Variants in DRC3 observed in about 807,000 individuals in gnomAD.
DRC3 encodes leucine rich repeat containing 48.
DRC3 carries 45 observed loss-of-function variants against 57.6 expected under a neutral mutation model. The ratio of observed to expected loss-of-function variants is 0.78; its 90% confidence interval spans 0.62 to 1.00. The LOEUF is 1.00. DRC3 is among the 50% of genes least tolerant of loss of function. The pLI is 0.00. For missense variants in DRC3, 655 were observed against 675.2 expected (o/e 0.97, Z 0.33); for synonymous variants, 257 against 272.3 (o/e 0.94, Z 0.55).
At chr17:17,979,185 C>G (rs1568453927) in intron 3 of DRC3, among the ~76,000 whole-genome samples, 1 of 152,146 alleles carries the variant, frequency 6.6e-6, no homozygotes, top group South Asian at 2.1e-4. Flanking sequence ...GTGCAAAGGG[C>G]CTGGGGCAGG....
At chr17:17,975,303 C>G (rs1445927411) in intron 2 of DRC3, among the ~76,000 whole-genome samples, 1 of 151,218 alleles carries the variant, frequency 6.6e-6, no homozygotes, top group African/African-American at 2.4e-5. Context: ...CCTCCAACTC[C>G]CTGGTTCAAG....
At chr17:17,980,815 G>A (rs558713692) in intron 3 of DRC3, among the ~76,000 whole-genome samples, 8 of 152,134 alleles carry the variant, frequency 5.3e-5, no homozygotes, top group South Asian at 4.2e-4. Context: ...AGATGGTCTC[G>A]ATCTCTTGAC....
intron 2 of DRC3, among the ~76,000 whole-genome samples, chr17:17,976,729 A>G (rs573131516): frequency 1.6e-4 from 25 of 152,202 alleles, no homozygotes; most frequent in Non-Finnish European, 2.8e-4. Flanking sequence ...GCTTAAGTAG[A>G]AGAGGATTTC....
intron 9 of DRC3, among the ~76,000 whole-genome samples, chr17:18,004,157 A>G (rs975552165): frequency 1.3e-5 from 2 of 152,104 alleles, no homozygotes; most frequent in Non-Finnish European, 1.5e-5. Context: ...GGGGCTATCA[A>G]TCGCACTTTA....
intron 3 of DRC3, among the ~76,000 whole-genome samples, chr17:17,978,748 G>A (rs779776013): frequency 2.6e-5 from 4 of 152,124 alleles, no homozygotes; most frequent in Non-Finnish European, 5.9e-5. Flanking sequence ...GGGTAAAGGG[G>A]CACAGAACAG....
chr17:18,004,397 C>T lies in DRC3; in HGVS notation c.1034C>T (p.Pro345Leu). The change falls in exon 10 of 14, where the codon CCC becomes CTC. Residue 345 changes from proline (P) to leucine (L), a missense_variant. Coordinates refer to ENST00000399187, the MANE Select transcript of DRC3 (RefSeq NM_031294.4). Reference protein sequence around the residue: ...LSAIREELELPNIEKMILECS... With the variant: ...LSAIREELELLNIEKMILECS... ...GCCATTCGAGAGGAGTTGGAACTGC[C>T]CAACATTGAGAAGATGATCCTAGAA... is the stretch of plus-strand genomic sequence containing the variant. 6.2e-7 allele frequency: 1 copy of T among 1,607,378 alleles called. No individual in the cohort carries two copies. Among genetic ancestry groups the T allele is most frequent in the African/African-American group, 1.3e-5 (1 of 74,998 alleles).
At chr17:17,992,183 G>A (rs190566728) in intron 5 of DRC3, among the ~76,000 whole-genome samples, 1 of 152,264 alleles carries the variant, frequency 6.6e-6, no homozygotes, top group Non-Finnish European at 1.5e-5. Flanking sequence ...GCTGAGGCAC[G>A]AGAATCACTT....
intron 11 of DRC3, chr17:18,006,595 G>A (rs1030068611): frequency 1.8e-5 from 7 of 387,362 alleles, no homozygotes; most frequent in African/African-American, 8.1e-5. Flanking sequence ...AGCCAACATC[G>A]GAGCATGGCC....
rs147507687 is a variant in DRC3 at position 17,984,771 on chromosome 17, C to T, written c.277+827C>T. Among the ~76,000 whole-genome samples, 224 of 152,272 alleles carry T rather than the reference C, an allele frequency of 1.5e-3. 1 individual carries two copies. The highest frequency in any genetic ancestry group is 5.2e-3 in the African/African-American group (217 of 41,550). On this transcript the variant is annotated intron_variant, in intron 4 of 13. Coordinates refer to ENST00000399187, the MANE Select transcript of DRC3 (RefSeq NM_031294.4). ...TGTCTGACCTCACAGCCCACATTCCCTCCATCCTATTAGGCGGTCTTCTGG... is the reference window on the plus strand; with the variant it reads ...TGTCTGACCTCACAGCCCACATTCCTTCCATCCTATTAGGCGGTCTTCTGG...
chr17:17,991,355 A>G (rs1035908018), intron 5 of DRC3, among the ~76,000 whole-genome samples: 3 of 140,686 alleles, frequency 2.1e-5, no homozygotes, highest in African/African-American at 5.4e-5. Flanking sequence ...CAGTGGTGCA[A>G]TCTCGGCTCA....
intron 3 of DRC3, chr17:17,981,514 G>T (rs1034284694): frequency 1.9e-5 from 3 of 153,850 alleles, no homozygotes; most frequent in Non-Finnish European, 4.4e-5. Context: ...AGTTGCCCTG[G>T]CCGGCCCCTA....
intron 12 of DRC3, among the ~76,000 whole-genome samples, chr17:18,010,081 G>A (rs185770400): frequency 4.8e-4 from 73 of 152,290 alleles, no homozygotes; most frequent in African/African-American, 1.7e-3. Flanking sequence ...CAGGCCCAGG[G>A]AGGATGCAAG....
Position 17,987,931 on chromosome 17 carries a change from G to T in DRC3, c.278-1G>T. The T allele has an allele frequency of 6.2e-7, 1 of 1,613,704 alleles. No homozygotes were observed. The highest frequency in any genetic ancestry group is 1.1e-5 in the South Asian group (1 of 91,078). ...CCCTCACAGCCCTCTCTTCTTCCCA[G>T]ATCTGTCTTTCAACAACATTGAGAC... On this transcript the variant is annotated splice_acceptor_variant, in intron 4 of 13. Coordinates refer to ENST00000399187, the MANE Select transcript of DRC3 (RefSeq NM_031294.4). LOFTEE classifies it high-confidence loss of function.
At chr17:18,007,401 CG>C in intron 12 of DRC3, 1 of 1,551,422 alleles carries the variant, frequency 6.4e-7, no homozygotes, top group South Asian at 1.2e-5. Flanking sequence ...CCAACAGGGT[CG>C]TTTCCAAAAG....
intron 4 of DRC3, among the ~76,000 whole-genome samples, chr17:17,986,134 A>G (rs1366485365): frequency 6.6e-6 from 1 of 152,134 alleles, no homozygotes; most frequent in Non-Finnish European, 1.5e-5. Flanking sequence ...CTGATCTCGA[A>G]CTGCTGGCCT....
rs148107258 is a variant in DRC3, at chr17:18,004,387, T to A, written c.1024T>A (p.Leu342Met). 5.6e-6 allele frequency: 9 copies of A among 1,606,014 alleles called. No homozygotes were observed. Among genetic ancestry groups the A allele is most frequent in the Non-Finnish European group, 7.7e-6 (9 of 1,176,050 alleles). Residue 342 changes from leucine (L) to methionine (M), a missense_variant, in exon 10 of 14, where the codon TTG becomes ATG. Leu to Met is a conservative substitution (Grantham distance 15, BLOSUM62 2). Transcript: ENST00000399187. ...LSSLSAIREE[L>M]ELPNIEKMIL... ...GAGTTTAAGTGCCATTCGAGAGGAG[T>A]TGGAACTGCCCAACATTGAGAAGAT...
intron 8 of DRC3, chr17:17,995,473 C>CGAGAT: frequency 1.4e-5 from 3 of 209,154 alleles, no homozygotes; most frequent in South Asian, 7.6e-5. Context: ...TCTCAACCAC[C>CGAGAT]CCACTAGGCA....
intron 3 of DRC3, among the ~76,000 whole-genome samples, chr17:17,982,083 C>G (rs1198070379): frequency 6.6e-6 from 1 of 152,112 alleles, no homozygotes; most frequent in African/African-American, 2.4e-5. Context: ...ACCTCTGCCT[C>G]CTGGGTTCAA....
chr17:17,987,292 G>A (rs2145279484), intron 4 of DRC3, among the ~76,000 whole-genome samples: 1 of 151,998 alleles, frequency 6.6e-6, no homozygotes, highest in African/African-American at 2.4e-5. Flanking sequence ...TCTCGGTTGG[G>A]GTTGAGGGAG....
Sources: allele counts gnomAD v4.1 joint callset (sites outside exome capture counted in the v4.1 genomes callset), GRCh38; gene constraint gnomAD v4.1.1; transcripts MANE v1.5; gene names NCBI Gene and HGNC (gene_info 2026-07-23, HGNC 2026-07-21).